Variants in CADM2 observed in about 807,000 individuals in gnomAD.
CADM2 encodes cell adhesion molecule 2.
Under a neutral mutation model 49.8 loss-of-function variants are expected in CADM2, and 12 were observed. The ratio of observed to expected loss-of-function variants is 0.24; its 90% CI spans 0.15 to 0.39. CADM2 has a LOEUF of 0.39. Ranked by LOEUF, CADM2 falls within the 10% of genes least tolerant of loss-of-function variation. The pLI, the probability that CADM2 is intolerant of heterozygous loss-of-function variation, is 1.00. For synonymous variants in CADM2, 214 were observed against 175.4 expected, an observed-to-expected ratio of 1.22 and a Z score of -1.74; for missense variants, 378 against 492.3, an observed-to-expected ratio of 0.77 and a Z score of 2.20.
At chr3:85,397,330 A>AAAG (rs1467261350) in intron 1 of CADM2, among the ~76,000 whole-genome samples, 1 of 152,186 alleles carries the variant, frequency 6.6e-6, no homozygotes, top group Admixed American at 6.5e-5. Flanking sequence ...GTAATTCCTC[A>AAAG]AAGAGCTAAG....
At chr3:85,971,253 G>A (rs894455233) in intron 8 of CADM2, among the ~76,000 whole-genome samples, 3 of 151,458 alleles carry the variant, frequency 2.0e-5, no homozygotes, top group South Asian at 2.1e-4. Flanking sequence ...ATGTGCAAAC[G>A]TTTTTTCATG....
intron 1 of CADM2, among the ~76,000 whole-genome samples, chr3:85,431,019 G>T (rs1460929128): frequency 6.6e-6 from 1 of 152,080 alleles, no homozygotes; most frequent in Non-Finnish European, 1.5e-5. Context: ...CTTAGTCAAT[G>T]ATAGATCTCA....
At chr3:85,707,210 G>A (rs2066977447) in intron 1 of CADM2, among the ~76,000 whole-genome samples, 1 of 151,926 alleles carries the variant, frequency 6.6e-6, no homozygotes, top group Non-Finnish European at 1.5e-5. Context: ...TACTACTAAA[G>A]TGATAAGATC....
At chr3:86,048,150 A>AT (rs1736887131) in intron 8 of CADM2, among the ~76,000 whole-genome samples, 2 of 152,076 alleles carry the variant, frequency 1.3e-5, no homozygotes, top group South Asian at 2.1e-4. Flanking sequence ...ACTAAATGTT[A>AT]TTTTTTTAAC....
At chr3:85,984,939 G>A (rs767589795) in intron 8 of CADM2, among the ~76,000 whole-genome samples, 2 of 151,536 alleles carry the variant, frequency 1.3e-5, no homozygotes, top group Admixed American at 6.6e-5. Context: ...AAAATGGTAC[G>A]GCACACAGGA....
At chr3:85,482,518 A>C (rs1283031625) in intron 1 of CADM2, among the ~76,000 whole-genome samples, 1 of 151,752 alleles carries the variant, frequency 6.6e-6, no homozygotes, top group African/African-American at 2.4e-5. Context: ...ATTTTTGCTA[A>C]GTGTATTCCT....
chr3:86,015,206 G>A (rs1430101343), intron 8 of CADM2: 1 of 324,326 alleles, frequency 3.1e-6, no homozygotes, highest in East Asian at 5.7e-5. Flanking sequence ...ATCACTAAAT[G>A]TCTTTGCCTA....
At chr3:85,295,641 G>T (rs1183021523) in intron 1 of CADM2, among the ~76,000 whole-genome samples, 1 of 152,020 alleles carries the variant, frequency 6.6e-6, no homozygotes, top group Non-Finnish European at 1.5e-5. Context: ...TCCTTTGTAG[G>T]GACATGGATG....
intron 1 of CADM2, among the ~76,000 whole-genome samples, chr3:85,249,733 A>G (rs1273305645): frequency 3.9e-5 from 6 of 151,914 alleles, no homozygotes; most frequent in Non-Finnish European, 8.8e-5. Flanking sequence ...AAAAATCTAT[A>G]CAATTTGGAT....
intron 1 of CADM2, among the ~76,000 whole-genome samples, chr3:85,238,011 A>G (rs1379899558): frequency 2.0e-5 from 3 of 152,078 alleles, no homozygotes; most frequent in South Asian, 2.1e-4. Flanking sequence ...AGAAATAATA[A>G]CAATAACACT....
chr3:85,750,496 C>T (rs1043887944), intron 2 of CADM2, among the ~76,000 whole-genome samples: 4 of 152,056 alleles, frequency 2.6e-5, no homozygotes, highest in African/African-American at 9.7e-5. Context: ...ATGAAGAACA[C>T]TTTGAGATAC....
At chr3:85,057,748 G>C (rs2036141280) in intron 1 of CADM2, among the ~76,000 whole-genome samples, 2 of 152,018 alleles carry the variant, frequency 1.3e-5, no homozygotes, top group Non-Finnish European at 1.5e-5. Flanking sequence ...ACAGTAAATT[G>C]CTGCCACTGA....
In CADM2 at chr3:85,014,534, G is replaced by T. The variant is rs77660812; in HGVS notation, c.61+54866G>T. Among the ~76,000 whole-genome samples, 713 of 152,236 alleles carry T rather than the reference G, an allele frequency of 4.7e-3. 5 individuals carry two copies. The highest frequency in any genetic ancestry group is 0.017 in the African/African-American group (686 of 41,520). ...CTTGGTTTCAGGCATCTCCTGGAGG[G>T]TTTGGAATATATCTTCCATGAATGA... On this transcript the variant is annotated intron_variant, in intron 1 of 9. Coordinates refer to ENST00000383699, the MANE Select transcript of CADM2 (RefSeq NM_001167675.2).
chr3:85,242,769 A>C lies in CADM2; in HGVS notation c.61+283101A>C, dbSNP rs969696008. ...AATTCAAATACATATTTTTCATTTT[A>C]AGAAATTGTGTAAATTGATATTCAA... On this transcript the variant is annotated intron_variant, in intron 1 of 9. Coordinates refer to ENST00000383699, the MANE Select transcript of CADM2 (RefSeq NM_001167675.2). 3.3e-5 allele frequency among the ~76,000 whole-genome samples: 5 copies of C among 151,836 alleles called. No homozygotes were observed. In the East Asian group the frequency reaches 9.6e-4, roughly 29 times the overall value.
chr3:85,590,510 AGACT>A (rs1278465521), intron 1 of CADM2, among the ~76,000 whole-genome samples: 1 of 152,006 alleles, frequency 6.6e-6, no homozygotes, highest in East Asian at 1.9e-4. Context: ...CTTGAAAGCA[AGACT>A]GTTGGAAGGA....
intron 1 of CADM2, among the ~76,000 whole-genome samples, chr3:85,488,837 C>A (rs1214542733): frequency 6.6e-6 from 1 of 151,972 alleles, no homozygotes; most frequent in Non-Finnish European, 1.5e-5. Context: ...CCTATTTATT[C>A]TATTTCTTTA....
intron 1 of CADM2, among the ~76,000 whole-genome samples, chr3:85,422,940 C>G (rs1447530496): frequency 6.6e-6 from 1 of 152,016 alleles, no homozygotes; most frequent in East Asian, 1.9e-4. Context: ...AGTGTGACAG[C>G]CTTTTTGGGT....
At chr3:85,047,005 C>A (rs1187973765) in intron 1 of CADM2, among the ~76,000 whole-genome samples, 1 of 151,978 alleles carries the variant, frequency 6.6e-6, no homozygotes, top group Non-Finnish European at 1.5e-5. Flanking sequence ...ATAAAAGGTT[C>A]TGCAGATGTA....
chr3:85,667,195 C>T (rs1488707675), intron 1 of CADM2, among the ~76,000 whole-genome samples: 1 of 151,928 alleles, frequency 6.6e-6, no homozygotes, highest in Non-Finnish European at 1.5e-5. Flanking sequence ...TAAATTCACA[C>T]TACATAATAG....
Sources: gnomAD v4.1 joint callset for allele counts (sites outside exome capture counted in the v4.1 genomes callset) on GRCh38, gnomAD v4.1.1 for gene constraint, MANE v1.5 for transcripts, NCBI Gene and HGNC (gene_info 2026-07-23, HGNC 2026-07-21) for gene names.